SLC30A4: variants seen among roughly 807,000 people sequenced by gnomAD.
SLC30A4 encodes solute carrier family 30 member 4.
A neutral mutation model predicts 41.7 loss-of-function variants in SLC30A4; 20 were observed. The ratio of observed to expected loss-of-function variants is 0.48; its 90% CI spans 0.34 to 0.70. The LOEUF (loss-of-function observed/expected upper bound fraction) is 0.70, where lower values mean the gene tolerates loss of function less well. SLC30A4 is among the 30% of genes least tolerant of loss of function. SLC30A4 has a pLI of 0.01. For synonymous variants in SLC30A4, 181 were observed against 195.9 expected (o/e 0.92, Z 0.64); for missense variants, 441 against 529.3 (o/e 0.83, Z 1.64).
chr15:45,498,786 CA>C (rs1891955516), intron 3 of SLC30A4, among the ~76,000 whole-genome samples: 1 of 152,124 alleles, frequency 6.6e-6, no homozygotes, highest in South Asian at 2.1e-4. Flanking sequence ...AATTAATAGG[CA>C]TAACTTTTGT....
At position 45,488,829 on chromosome 15, in the gene SLC30A4, C is replaced by A. The variant is rs146768952; in HGVS notation, c.894+12G>T. ...GTACATTTTAAAATAGAAAAATTACCAATCATATTACCTTGAATCGTATGA... is the reference window on the plus strand; with the variant it reads ...GTACATTTTAAAATAGAAAAATTACAAATCATATTACCTTGAATCGTATGA... On this transcript the variant is annotated intron_variant, in intron 5 of 7. Coordinates refer to ENST00000261867, the MANE Select transcript of SLC30A4 (RefSeq NM_013309.6). The A allele has an allele frequency of 6.3e-7, 1 of 1,599,780 alleles. No individual in the cohort carries two copies. The highest frequency in any genetic ancestry group is 8.6e-7 in the Non-Finnish European group (1 of 1,169,052).
At chr15:45,512,762 T>C (rs1030047685) in intron 2 of SLC30A4, among the ~76,000 whole-genome samples, 2 of 152,208 alleles carry the variant, frequency 1.3e-5, no homozygotes, top group Non-Finnish European at 2.9e-5. Flanking sequence ...TTTGAGATGA[T>C]AGAAATGTTC....
At chr15:45,510,717 G>A (rs1347474511) in intron 3 of SLC30A4, among the ~76,000 whole-genome samples, 1 of 152,180 alleles carries the variant, frequency 6.6e-6, no homozygotes, top group African/African-American at 2.4e-5. Flanking sequence ...CTGCAGTCAA[G>A]TTCAGCCACA....
chr15:45,522,148 G>T lies in SLC30A4; in HGVS notation c.207C>A (p.Leu69=), dbSNP rs776463278. Residue 69 remains leucine, a synonymous_variant, in exon 2 of 8, where the codon CTC becomes CTA. Coordinates refer to ENST00000261867, the MANE Select transcript of SLC30A4 (RefSeq NM_013309.6). ...CCAGTAAGGAATCATCGTCGGCCTG[G>T]AGGGTCGGGTGCGCCCCGTTAACAG... The part of the protein sequence containing the change: ...ERPVNGAHPT[L]QADDDSLLDQ... 6.2e-7 allele frequency: 1 copy of T among 1,614,228 alleles called. No homozygotes were observed. Among genetic ancestry groups the T allele is most frequent in the Non-Finnish European group, 8.5e-7 (1 of 1,180,042 alleles).
At chr15:45,498,993 G>C (rs1891960421) in intron 3 of SLC30A4, among the ~76,000 whole-genome samples, 1 of 151,980 alleles carries the variant, frequency 6.6e-6, no homozygotes, top group Non-Finnish European at 1.5e-5. Context: ...CATCTAGCCA[G>C]CTCTGCCAGG....
intron 4 of SLC30A4, among the ~76,000 whole-genome samples, 161 bp downstream of exon 4, chr15:45,490,567 G>A (rs778131244): frequency 1.3e-4 from 20 of 152,126 alleles, no homozygotes; most frequent in Non-Finnish European, 2.9e-4. Flanking sequence ...GCAAACTAAT[G>A]AGGAATTTAT....
chr15:45,481,494 T>C lies in SLC30A4; in HGVS notation c.*3669A>G, dbSNP rs180762892. ...TTATGTACACAAGTAACTCTGATTATTTGCAAATACTAATTAAAATATATC... is the reference window on the plus strand; with the variant it reads ...TTATGTACACAAGTAACTCTGATTACTTGCAAATACTAATTAAAATATATC... On this transcript the variant is annotated 3_prime_UTR_variant, in exon 8 of 8. Transcript: ENST00000261867. The C allele has an allele frequency of 6.9e-4, 105 of 152,338 alleles. No homozygotes were observed. Among genetic ancestry groups the C allele is most frequent in the African/African-American group, 2.2e-3 (90 of 41,576 alleles). 9.4% of individuals were successfully genotyped at this position (152,338 alleles called of 1,614,324 possible).
intron 2 of SLC30A4, among the ~76,000 whole-genome samples, chr15:45,520,262 A>C (rs1189569890): frequency 2.0e-5 from 3 of 151,362 alleles, no homozygotes; most frequent in Non-Finnish European, 4.4e-5. Flanking sequence ...TTATTTATTT[A>C]TTATTTTATT....
Position 45,522,028 on chromosome 15 carries a change from C to T in SLC30A4, c.327G>A (p.Lys109=). 1 of 1,614,186 alleles carries T rather than the reference C, an allele frequency of 6.2e-7. No homozygotes were observed. Among genetic ancestry groups the T allele is most frequent in the Non-Finnish European group, 8.5e-7 (1 of 1,180,036 alleles). ...SKQREILKQR[K]VKARLTIAAV... is the part of the protein sequence containing the mutation. Reference sequence around the variant, plus strand: ...CAGCAATGGTCAACCTGGCTTTCACCTTTCTCTGCTTCAGTATCTCTCTCT... The same window carrying T: ...CAGCAATGGTCAACCTGGCTTTCACTTTTCTCTGCTTCAGTATCTCTCTCT... Residue 109 remains lysine (K), a synonymous_variant, in exon 2 of 8, where the codon AAG becomes AAA. Coordinates refer to ENST00000261867, the MANE Select transcript of SLC30A4 (RefSeq NM_013309.6).
At chr15:45,504,416 C>T (rs919822441) in intron 3 of SLC30A4, among the ~76,000 whole-genome samples, 1 of 152,184 alleles carries the variant, frequency 6.6e-6, no homozygotes, top group African/African-American at 2.4e-5. Flanking sequence ...AAGAACTCCT[C>T]CTGCTTTCTC....
chr15:45,519,607 T>A (rs1892603358), intron 2 of SLC30A4: 6 of 152,218 alleles, frequency 3.9e-5, no homozygotes, highest in Admixed American at 3.9e-4. Context: ...ACTACTATCA[T>A]CTCTGTATTG....
At chr15:45,517,923 G>C (rs1892539768) in intron 2 of SLC30A4, among the ~76,000 whole-genome samples, 1 of 152,180 alleles carries the variant, frequency 6.6e-6, no homozygotes, top group Admixed American at 6.5e-5. Flanking sequence ...ACTCCAGGCT[G>C]GGCGAAAGAG....
At chr15:45,488,147 G>C (rs1242549738) in intron 5 of SLC30A4, among the ~76,000 whole-genome samples, 4 of 152,128 alleles carry the variant, frequency 2.6e-5, no homozygotes, top group Non-Finnish European at 4.4e-5. Flanking sequence ...GGGAACTCAA[G>C]TTTAGAGTTC....
chr15:45,500,482 A>G (rs1026645092), intron 3 of SLC30A4, among the ~76,000 whole-genome samples: 5 of 152,164 alleles, frequency 3.3e-5, no homozygotes, highest in African/African-American at 1.2e-4. Context: ...AAGCAAACAA[A>G]TAGGATCAGC....
chr15:45,509,292 C>T (rs1331409449), intron 3 of SLC30A4, among the ~76,000 whole-genome samples: 1 of 150,204 alleles, frequency 6.7e-6, no homozygotes, highest in Non-Finnish European at 1.5e-5. Context: ...CTTACTCTGC[C>T]GCCCAGAATG....
Position 45,522,421 on chromosome 15 carries a change from C to A in SLC30A4, c.-67G>T. The A allele has an allele frequency of 1.4e-6, 2 of 1,462,436 alleles. No individual in the cohort carries two copies. The highest frequency in any genetic ancestry group is 4.6e-5 in the East Asian group (2 of 43,296). 90.6% of individuals were successfully genotyped at this position (1,462,436 alleles called of 1,614,324 possible). A position where few individuals can be genotyped will look rare whatever the true frequency, so the allele number is the denominator to read the frequency against. ...GGCGGACGGCCGGCGGCGCCTACTT[C>A]ACCGGAGCGCCAGTTCTCGAGGGCA... On this transcript the variant is annotated 5_prime_UTR_variant, in exon 2 of 8. The change abolishes the stop of an existing upstream ORF in the 5' untranslated region. Coordinates refer to ENST00000261867, the MANE Select transcript of SLC30A4 (RefSeq NM_013309.6).
intron 2 of SLC30A4, among the ~76,000 whole-genome samples, chr15:45,514,510 ATTTTTTTTTTTTT>A (rs751585996): frequency 8.0e-6 from 1 of 125,022 alleles, no homozygotes; most frequent in African/African-American, 3.2e-5. Context: ...TGATATTCCA[ATTTTTTTTTTTTT>A]TTTTTTTTTG....
intron 2 of SLC30A4, among the ~76,000 whole-genome samples, chr15:45,520,039 GTATC>G (rs1455357754): frequency 6.6e-6 from 1 of 152,082 alleles, no homozygotes; most frequent in Non-Finnish European, 1.5e-5. Context: ...AGTTTATTGA[GTATC>G]TACTTTGTGC....
At position 45,511,645 on chromosome 15, in the gene SLC30A4, G is replaced by A. The variant is rs146213978; in HGVS notation, c.392-361C>T. 3.0e-3 allele frequency among the ~76,000 whole-genome samples: 461 copies of A among 152,148 alleles called. 1 individual carries two copies. The highest frequency in any genetic ancestry group is 0.011 in the African/African-American group (440 of 41,522). On this transcript the variant is annotated intron_variant, in intron 2 of 7. Coordinates refer to ENST00000261867, the MANE Select transcript of SLC30A4 (RefSeq NM_013309.6). ...ACTACAGGCACGTGCCACCACGCCCGGCTAATTTTTGTATTTTTAGTAGAG... is the reference window on the plus strand; with the variant it reads ...ACTACAGGCACGTGCCACCACGCCCAGCTAATTTTTGTATTTTTAGTAGAG...
Sources: allele counts gnomAD v4.1 joint callset (sites outside exome capture counted in the v4.1 genomes callset), GRCh38; gene constraint gnomAD v4.1.1; transcripts MANE v1.5; gene names NCBI Gene and HGNC (gene_info 2026-07-23, HGNC 2026-07-21).